Variants in SLC22A23 observed in about 807,000 individuals in gnomAD.
SLC22A23 encodes the protein ion transporter protein.
In SLC22A23, 26 loss-of-function variants were observed where a neutral mutation model predicts 61.0. The observed-to-expected ratio is 0.43, with a 90% CI of 0.31 to 0.59. The LOEUF (loss-of-function observed/expected upper bound fraction) is 0.59. SLC22A23 is among the 20% of genes least tolerant of loss of function. The pLI is 0.11. For synonymous variants in SLC22A23, 430 were observed against 413.9 expected (o/e 1.04, Z -0.47); for missense variants, 796 against 934.7 (o/e 0.85, Z 1.94).
chr6:3,278,516 A>G (rs1759121662), intron 9 of SLC22A23, among the ~76,000 whole-genome samples: 1 of 152,192 alleles, frequency 6.6e-6, no homozygotes, highest in South Asian at 2.1e-4. Context: ...CTAGTCTCTG[A>G]GCCCTTCAAG....
chr6:3,319,179 C>A (rs532873909), intron 4 of SLC22A23, among the ~76,000 whole-genome samples: 12 of 152,160 alleles, frequency 7.9e-5, no homozygotes, highest in Non-Finnish European at 1.8e-4. Flanking sequence ...GCTCCTCAGA[C>A]CCCATAGGGT....
At position 3,289,981 on chromosome 6, in the gene SLC22A23, C is replaced by CTT. The variant is rs35568219; in HGVS notation, c.1211-117_1211-116dup. The CTT allele has an allele frequency of 1.6e-3, 701 of 448,430 alleles. 1 individual carries two copies. Among genetic ancestry groups the CTT allele is most frequent in the East Asian group, 2.1e-3 (46 of 22,070 alleles). 27.8% of individuals were successfully genotyped at this position (448,430 alleles called of 1,614,324 possible). A position where few individuals can be genotyped will look rare whatever the true frequency, so the allele number is the denominator to read the frequency against. ...GGGTACCACAGAAGGGAGAGAGAAG[C>CTT]TTTTTTTTTTTTTTTTTTTTTGCCA... On this transcript the variant is annotated intron_variant, in intron 5 of 9. Coordinates refer to ENST00000406686, the MANE Select transcript of SLC22A23 (RefSeq NM_015482.2).
chr6:3,395,391 G>T (rs1767942150), intron 3 of SLC22A23, among the ~76,000 whole-genome samples: 1 of 152,180 alleles, frequency 6.6e-6, no homozygotes, highest in Non-Finnish European at 1.5e-5. Context: ...TCAGGCAGGG[G>T]ACCACAAGGA....
intron 3 of SLC22A23, among the ~76,000 whole-genome samples, chr6:3,369,871 G>A (rs1253961636): frequency 6.6e-6 from 1 of 152,186 alleles, no homozygotes; most frequent in Non-Finnish European, 1.5e-5. Context: ...TGAATCTCAA[G>A]CACGACTATT....
In SLC22A23 at chr6:3,299,998, C is replaced by CTTTTTTTTTTTTT. The variant is rs869114176; in HGVS notation, c.1083-1793_1083-1781dup. ...ACCTGCTTTGCAAGCTCAGGATAGA[C>CTTTTTTTTTTTTT]TTTTTTTTTTTTTTTTTTTTTTTTT... On this transcript the variant is annotated intron_variant, in intron 4 of 9. Coordinates refer to ENST00000406686, the MANE Select transcript of SLC22A23 (RefSeq NM_015482.2). Among the ~76,000 whole-genome samples, 29 of 78,798 alleles carry CTTTTTTTTTTTTT rather than the reference C, an allele frequency of 3.7e-4. 3 individuals are homozygous for CTTTTTTTTTTTTT. In the East Asian group the frequency reaches 4.0e-3, roughly 11 times the overall value. 51.7% of individuals were successfully genotyped at this position (78,798 alleles called of 152,430 possible).
At position 3,308,851 on chromosome 6, in the gene SLC22A23, G is replaced by C. The variant is rs1445571483; in HGVS notation, c.1083-10633C>G. ...CCAGCTACTCAGGAGTCTAAGGCAG[G>C]AGAATCACTTGAACCTGGGAGGCAG... On this transcript the variant is annotated intron_variant, in intron 4 of 9. Transcript: ENST00000406686. The surrounding 1 kb of genome is among the most constrained non-coding windows in gnomAD (Gnocchi z 5.1). Among the ~76,000 whole-genome samples, 2 of 151,970 alleles carry C rather than the reference G, an allele frequency of 1.3e-5. No homozygotes were observed. The highest frequency in any genetic ancestry group is 4.8e-5 in the African/African-American group (2 of 41,354).
At chr6:3,418,107 C>G (rs1485589214) in intron 1 of SLC22A23, among the ~76,000 whole-genome samples, 3 of 152,148 alleles carry the variant, frequency 2.0e-5, no homozygotes, top group Non-Finnish European at 4.4e-5. Flanking sequence ...GAGGTGCTCT[C>G]AACACCTGTA....
chr6:3,378,752 G>C (rs555412903), intron 3 of SLC22A23, among the ~76,000 whole-genome samples: 59 of 150,300 alleles, frequency 3.9e-4, no homozygotes, highest in African/African-American at 1.4e-3. Context: ...CCGCCTCCAG[G>C]GTTCAAGCGA....
rs761794853 is a variant in SLC22A23 at position 3,294,262 on chromosome 6, T to TTAC, written c.1210+3826_1210+3828dup. Among the ~76,000 whole-genome samples the TTAC allele has an allele frequency of 5.9e-5, 9 of 151,788 alleles. No individual in the cohort carries two copies. In the East Asian group the frequency reaches 1.3e-3, roughly 23 times the overall value. On this transcript the variant is annotated intron_variant, in intron 5 of 9. Coordinates refer to ENST00000406686, the MANE Select transcript of SLC22A23 (RefSeq NM_015482.2). ...ACTGTCCAGTGACTTTTTGCTTATC[T>TTAC]TACTACCATTTGAGCATTCGACATT... is the stretch of plus-strand genomic sequence containing the variant.
chr6:3,345,336 A>G (rs536944324), intron 3 of SLC22A23, among the ~76,000 whole-genome samples: 4 of 152,020 alleles, frequency 2.6e-5, no homozygotes, highest in African/African-American at 9.6e-5. Flanking sequence ...AGTTACAAGG[A>G]AAGTACCAGT....
intron 3 of SLC22A23, among the ~76,000 whole-genome samples, chr6:3,377,332 T>C (rs1225927416): frequency 2.0e-5 from 3 of 151,940 alleles, no homozygotes; most frequent in Non-Finnish European, 4.4e-5. Flanking sequence ...AAGAAGGGCA[T>C]TGCTGCTGAT....
intron 3 of SLC22A23, among the ~76,000 whole-genome samples, chr6:3,326,920 G>A (rs1346592968): frequency 6.6e-6 from 1 of 152,222 alleles, no homozygotes; most frequent in Non-Finnish European, 1.5e-5. Flanking sequence ...GGAAGTGGGA[G>A]AGGAAAGAAC....
At chr6:3,280,269 C>A (rs940767947) in intron 9 of SLC22A23, among the ~76,000 whole-genome samples, 1 of 152,110 alleles carries the variant, frequency 6.6e-6, no homozygotes, top group African/African-American at 2.4e-5. Context: ...TAAAGCCGGC[C>A]GAGGGACCCA....
At chr6:3,326,602 G>A (rs9501987) in intron 3 of SLC22A23, among the ~76,000 whole-genome samples, 35,693 of 152,104 alleles carry the variant, frequency 0.23, 4,902 homozygotes, top group African/African-American at 0.38. Flanking sequence ...GCAGAGCCTT[G>A]ACTTTATTTC....
chr6:3,386,238 C>T lies in SLC22A23; in HGVS notation c.913+23950G>A, dbSNP rs998499201. On this transcript the variant is annotated intron_variant, in intron 3 of 9. Coordinates refer to ENST00000406686, the MANE Select transcript of SLC22A23 (RefSeq NM_015482.2). This position sits in a 1 kb window ranked among gnomAD's most constrained non-coding sequence, Gnocchi z 4.4. ...GAAGCCAGTGTGCCCTGACAGTGCACGGTTAGGGGTTTAGAAACCCAAGGC... is the reference window on the plus strand; with the variant it reads ...GAAGCCAGTGTGCCCTGACAGTGCATGGTTAGGGGTTTAGAAACCCAAGGC... 5.9e-5 allele frequency among the ~76,000 whole-genome samples: 9 copies of T among 152,058 alleles called. No individual in the cohort carries two copies. The highest frequency in any genetic ancestry group is 2.2e-4 in the African/African-American group (9 of 41,380).
chr6:3,398,792 G>A (rs1768185304), intron 3 of SLC22A23, among the ~76,000 whole-genome samples: 1 of 152,060 alleles, frequency 6.6e-6, no homozygotes, highest in Non-Finnish European at 1.5e-5. Flanking sequence ...CACTTTGGGA[G>A]GCCGAGATGG....
intron 1 of SLC22A23, among the ~76,000 whole-genome samples, chr6:3,448,588 A>G (rs944385651): frequency 1.3e-5 from 2 of 151,774 alleles, no homozygotes; most frequent in Admixed American, 1.3e-4. Context: ...CCGCCTCCCG[A>G]GTTCACGCCA....
chr6:3,425,840 CT>C (rs1476511087), intron 1 of SLC22A23, among the ~76,000 whole-genome samples: 1 of 152,216 alleles, frequency 6.6e-6, no homozygotes, highest in Non-Finnish European at 1.5e-5. Flanking sequence ...AATTATAAAT[CT>C]GTATCTGATT....
Position 3,333,741 on chromosome 6 carries a change from G to A in SLC22A23, c.914-9739C>T, listed in dbSNP as rs1444061076. On this transcript the variant is annotated intron_variant, in intron 3 of 9. Coordinates refer to ENST00000406686, the MANE Select transcript of SLC22A23 (RefSeq NM_015482.2). This position sits in a 1 kb window ranked among gnomAD's most constrained non-coding sequence, Gnocchi z 4.1. ...ACAGTGGTTTGCAAGTGTGGCCCCA[G>A]ACCTGCAGCAGCAGCCTCACCTGGG... is the stretch of plus-strand genomic sequence containing the variant. Among the ~76,000 whole-genome samples, 8 of 152,284 alleles carry A rather than the reference G, an allele frequency of 5.3e-5. No individual in the cohort carries two copies. The highest frequency in any genetic ancestry group is 1.9e-4 in the African/African-American group (8 of 41,560).
Sources: gnomAD v4.1 joint callset for allele counts (sites outside exome capture counted in the v4.1 genomes callset) on GRCh38, gnomAD v4.1.1 for gene constraint, Gnocchi (gnomAD v3.1) non-coding constraint, MANE v1.5 for transcripts, NCBI Gene and HGNC (gene_info 2026-07-23, HGNC 2026-07-21) for gene names.